TBC1D12: variants seen among roughly 807,000 people sequenced by gnomAD.
The protein encoded by TBC1D12 is TBC1 domain family, member 12.
Under a neutral mutation model 86.7 loss-of-function variants are expected in TBC1D12, and 56 were observed. That is an observed-to-expected ratio of 0.65 (90% CI 0.52 to 0.81). TBC1D12 has a LOEUF of 0.81. Ranked by LOEUF, TBC1D12 falls within the 30% of genes least tolerant of loss-of-function variation. The pLI, the probability that TBC1D12 is intolerant of heterozygous loss-of-function variation, is 0.00. For synonymous variants in TBC1D12, 421 were observed against 411.7 expected, an observed-to-expected ratio of 1.02 and a Z score of -0.27; for missense variants, 1,023 against 1,038.8, an observed-to-expected ratio of 0.98 and a Z score of 0.21.
chr10:94,510,251 A>G, intron 8 of TBC1D12, 72 bp downstream of exon 8: 1 of 1,081,620 alleles, frequency 9.2e-7, no homozygotes, highest in Non-Finnish European at 1.3e-6. Flanking sequence ...GATTCTTTAA[A>G]TGAATAGCTA....
At chr10:94,473,465 T>C (rs962566366) in intron 2 of TBC1D12, among the ~76,000 whole-genome samples, 3 of 151,758 alleles carry the variant, frequency 2.0e-5, no homozygotes, top group Non-Finnish European at 4.4e-5. Flanking sequence ...TAAGGAGAAA[T>C]AGGCTTTGAG....
intron 2 of TBC1D12, among the ~76,000 whole-genome samples, chr10:94,469,959 C>A (rs2055879927): frequency 6.6e-6 from 1 of 152,186 alleles, no homozygotes; most frequent in Admixed American, 6.5e-5. Context: ...AGATTGTTTG[C>A]AGCAAGAAAG....
In TBC1D12 at chr10:94,402,660, A is replaced by C. The variant is rs375547585; in HGVS notation, c.47A>C (p.Lys16Thr). ...GGAGCCTGCTCGGGAAGAAACCCCA[A>C]GTTGCTCCCGGTGCCTGCGCCGGAC... is the stretch of plus-strand genomic sequence containing the variant. The part of the protein sequence containing the change: ...DAGACSGRNP[K>T]LLPVPAPDPV... The change falls in exon 1 of 13, where the codon AAG (lysine) becomes ACG (threonine). Residue 16 changes from lysine to threonine, a missense_variant. By Grantham distance (78) the Lys-to-Thr change is moderately conservative (BLOSUM62 -1). Coordinates refer to ENST00000225235, the MANE Select transcript of TBC1D12 (RefSeq NM_015188.2). 75 of 1,611,158 alleles carry C rather than the reference A, an allele frequency of 4.7e-5. No individual in the cohort carries two copies. In the African/African-American group the frequency reaches 9.3e-4, roughly 20 times the overall value.
At chr10:94,498,033 A>G (rs1482671143) in intron 5 of TBC1D12, among the ~76,000 whole-genome samples, 11 of 151,932 alleles carry the variant, frequency 7.2e-5, no homozygotes, top group Admixed American at 6.6e-4. Context: ...CATTCACAGG[A>G]TGGTCTCGAT....
intron 4 of TBC1D12, among the ~76,000 whole-genome samples, chr10:94,495,018 C>T (rs1007996934): frequency 2.1e-5 from 3 of 144,782 alleles, no homozygotes; most frequent in Admixed American, 7.0e-5. Context: ...CATGCCACCA[C>T]ACCCAGCTCT....
At chr10:94,481,045 C>CTTTTT (rs769709070) in intron 3 of TBC1D12, among the ~76,000 whole-genome samples, 1 of 126,980 alleles carries the variant, frequency 7.9e-6, no homozygotes, top group Non-Finnish European at 1.7e-5. Flanking sequence ...TGAAAGGAAT[C>CTTTTT]TTTTTTTTTT....
At chr10:94,502,860 G>A (rs1286262662) in intron 6 of TBC1D12, among the ~76,000 whole-genome samples, 2 of 152,156 alleles carry the variant, frequency 1.3e-5, no homozygotes. Flanking sequence ...AAAAGTTAAA[G>A]TAATGAGAAG....
rs571008768 is a variant in TBC1D12, at chr10:94,498,516, C to T, written c.1412+1344C>T. On this transcript the variant is annotated intron_variant, in intron 5 of 12. Coordinates refer to ENST00000225235, the MANE Select transcript of TBC1D12 (RefSeq NM_015188.2). Reference sequence around the variant, plus strand: ...TCACCCAGGCTGGAGTGCAGTGGCGCGATCTCAGCTCACTGCAACCTCTAC... The same window carrying T: ...TCACCCAGGCTGGAGTGCAGTGGCGTGATCTCAGCTCACTGCAACCTCTAC... Among the ~76,000 whole-genome samples, 8 of 151,886 alleles carry T rather than the reference C, an allele frequency of 5.3e-5. No individual in the cohort carries two copies. The South Asian group carries it at 8.3e-4, about 16-fold the overall frequency.
chr10:94,423,159 T>C (rs563702801), intron 1 of TBC1D12, among the ~76,000 whole-genome samples: 26 of 152,018 alleles, frequency 1.7e-4, no homozygotes, highest in African/African-American at 5.8e-4. Flanking sequence ...ATAAGTAAAA[T>C]AAGAAAATAA....
intron 2 of TBC1D12, chr10:94,447,700 AT>A: frequency 7.1e-6 from 7 of 984,462 alleles, no homozygotes; most frequent in Non-Finnish European, 8.4e-6. Context: ...GAATCTGTTA[AT>A]TATAAATAGT....
intron 2 of TBC1D12, among the ~76,000 whole-genome samples, chr10:94,443,494 A>T (rs1037635935): frequency 6.6e-6 from 1 of 152,188 alleles, no homozygotes; most frequent in African/African-American, 2.4e-5. Context: ...TAGTTTATCT[A>T]TTGGTACTTA....
intron 2 of TBC1D12, among the ~76,000 whole-genome samples, chr10:94,472,850 AGAG>A (rs2055929028): frequency 6.6e-6 from 1 of 152,166 alleles, no homozygotes; most frequent in African/African-American, 2.4e-5. Context: ...ATAATTTGAT[AGAG>A]GAGAAGTTTC....
At position 94,534,343 on chromosome 10, in the gene TBC1D12, A is replaced by C. The variant is rs1038544635; in HGVS notation, c.*1247A>C. 6 of 152,134 alleles carry C rather than the reference A, an allele frequency of 3.9e-5. No individual in the cohort carries two copies. The highest frequency in any genetic ancestry group is 1.4e-4 in the African/African-American group (6 of 41,438). The allele number at this position is 152,134 out of a possible 1,614,324, so 9.4% of individuals were successfully genotyped here. A position where few individuals can be genotyped will look rare whatever the true frequency, so the allele number is the denominator to read the frequency against. The stretch of plus-strand genomic sequence containing the variant: ...TCTTGATACTGCCCTCGTCTACCTC[A>C]CTATCCGCTAGTCTAGATAGTGACT... On this transcript the variant is annotated 3_prime_UTR_variant, in exon 13 of 13. Coordinates refer to ENST00000225235, the MANE Select transcript of TBC1D12 (RefSeq NM_015188.2).
intron 9 of TBC1D12, 123 bp from the exon 10 acceptor site, chr10:94,521,832 A>G: frequency 2.2e-6 from 2 of 896,330 alleles, no homozygotes; most frequent in Non-Finnish European, 1.5e-6. Flanking sequence ...CTGGGAAGGA[A>G]AAAAGAAATC....
At chr10:94,406,196 G>A in intron 1 of TBC1D12, among the ~76,000 whole-genome samples, 1 of 152,124 alleles carries the variant, frequency 6.6e-6, no homozygotes, top group East Asian at 1.9e-4. Context: ...GTTTTAAGTA[G>A]GCAGGAATTT....
At chr10:94,448,124 C>T (rs1427864425) in intron 2 of TBC1D12, among the ~76,000 whole-genome samples, 1 of 152,054 alleles carries the variant, frequency 6.6e-6, no homozygotes, top group Non-Finnish European at 1.5e-5. Flanking sequence ...ATACTGATTT[C>T]TTAATCAGAG....
intron 9 of TBC1D12, among the ~76,000 whole-genome samples, chr10:94,515,574 C>T (rs1467531190): frequency 6.6e-6 from 1 of 151,818 alleles, no homozygotes; most frequent in African/African-American, 2.4e-5. Context: ...GTCTCGAACT[C>T]CTGACCTCAG....
chr10:94,409,663 A>T (rs567496620), intron 1 of TBC1D12, among the ~76,000 whole-genome samples: 11 of 152,334 alleles, frequency 7.2e-5, no homozygotes, highest in Admixed American at 5.9e-4. Flanking sequence ...GGCATGAGCT[A>T]CGCATCTGGC....
At chr10:94,523,192 CAAAAAAAAAAAA>C (rs33935088) in intron 11 of TBC1D12, among the ~76,000 whole-genome samples, 1 of 44,110 alleles carries the variant, frequency 2.3e-5, no homozygotes, top group Non-Finnish European at 4.0e-5. Flanking sequence ...AACTCTATCT[CAAAAAAAAAAAA>C]AAAAAAAAAA....
Sources: allele counts gnomAD v4.1 joint callset (sites outside exome capture counted in the v4.1 genomes callset), GRCh38; gene constraint gnomAD v4.1.1; transcripts MANE v1.5; gene names NCBI Gene and HGNC (gene_info 2026-07-23, HGNC 2026-07-21).